LUZP2: variants seen among roughly 807,000 people sequenced by gnomAD.
LUZP2 encodes leucine zipper protein 2.
LUZP2 carries 52 observed loss-of-function variants against 51.6 expected under a neutral mutation model. The observed-to-expected ratio is 1.01, with a 90% CI of 0.81 to 1.27. The LOEUF is 1.27. Ranked by LOEUF, LUZP2 falls within the 50% of genes most tolerant of loss-of-function variation. The pLI is 0.00. For synonymous variants in LUZP2, 154 were observed against 137.3 expected (o/e 1.12, Z -0.85); for missense variants, 436 against 395.4 (o/e 1.10, Z -0.87).
intron 10 of LUZP2, among the ~76,000 whole-genome samples, chr11:25,058,919 AATTGGCATCAT>A (rs1565293768): frequency 1.3e-5 from 2 of 152,186 alleles, no homozygotes; most frequent in Non-Finnish European, 2.9e-5. Flanking sequence ...TTCCTGCATA[AATTGGCATCAT>A]AGAAAAATTC....
At chr11:24,815,193 T>A (rs1240656181) in intron 5 of LUZP2, among the ~76,000 whole-genome samples, 1 of 152,180 alleles carries the variant, frequency 6.6e-6, no homozygotes, top group Non-Finnish European at 1.5e-5. Flanking sequence ...AATTTTCCTA[T>A]AAATGAATCT....
chr11:25,002,691 G>A (rs902558429), intron 9 of LUZP2, among the ~76,000 whole-genome samples: 5 of 152,098 alleles, frequency 3.3e-5, no homozygotes, highest in African/African-American at 1.2e-4. Context: ...ACTGGTTGTG[G>A]GGTTGTCCCA....
chr11:25,033,806 T>C (rs1381541902), intron 9 of LUZP2, among the ~76,000 whole-genome samples: 1 of 152,124 alleles, frequency 6.6e-6, no homozygotes, highest in African/African-American at 2.4e-5. Flanking sequence ...TGTACACATT[T>C]TCTTGATCCA....
chr11:24,660,620 G>C (rs943188282), intron 1 of LUZP2, among the ~76,000 whole-genome samples: 4 of 152,106 alleles, frequency 2.6e-5, no homozygotes, highest in Non-Finnish European at 4.4e-5. Flanking sequence ...TGTTCTTCCT[G>C]AGTAAAAATG....
At chr11:24,634,569 A>C (rs1855010155) in intron 1 of LUZP2, among the ~76,000 whole-genome samples, 2 of 151,892 alleles carry the variant, frequency 1.3e-5, no homozygotes, top group South Asian at 4.2e-4. Flanking sequence ...TATCATCTTC[A>C]AGTTCTCCTA....
chr11:24,717,379 A>G (rs892269665), intron 1 of LUZP2, among the ~76,000 whole-genome samples: 6 of 148,088 alleles, frequency 4.1e-5, no homozygotes, highest in African/African-American at 1.5e-4. Flanking sequence ...TGTACAGATT[A>G]TTTCATTACC....
chr11:24,504,763 A>G (rs1850100084), intron 1 of LUZP2, among the ~76,000 whole-genome samples: 1 of 152,154 alleles, frequency 6.6e-6, no homozygotes, highest in Non-Finnish European at 1.5e-5. Flanking sequence ...GTTCTAGACT[A>G]GTACAGCCAA....
intron 7 of LUZP2, among the ~76,000 whole-genome samples, chr11:24,946,283 T>C (rs1340148337): frequency 6.6e-6 from 1 of 152,048 alleles, no homozygotes; most frequent in African/African-American, 2.4e-5. Context: ...GGTTTTTGTT[T>C]TATTCAGTCT....
Position 24,856,555 on chromosome 11 carries a change from G to A in LUZP2, c.397-49436G>A, listed in dbSNP as rs188793089. 3.3e-5 allele frequency among the ~76,000 whole-genome samples: 5 copies of A among 152,106 alleles called. No homozygotes were observed. The East Asian group carries it at 5.8e-4, about 18-fold the overall frequency. On this transcript the variant is annotated intron_variant, in intron 5 of 11. Transcript: ENST00000336930. ...AGAACTAAAAATAGAATTATCATTC[G>A]ATCCAGGTACACAACTGTTGGATAT...
chr11:25,048,325 C>A (rs1003992637), intron 9 of LUZP2, among the ~76,000 whole-genome samples: 1 of 152,124 alleles, frequency 6.6e-6, no homozygotes, highest in African/African-American at 2.4e-5. Flanking sequence ...CAACCCACTT[C>A]AAAAATAACC....
At chr11:24,703,090 G>C (rs1471600494) in intron 1 of LUZP2, among the ~76,000 whole-genome samples, 1 of 152,184 alleles carries the variant, frequency 6.6e-6, no homozygotes, top group African/African-American at 2.4e-5. Flanking sequence ...TTGCTATAAA[G>C]TCAAAGAATT....
At chr11:24,614,781 C>A (rs540432650) in intron 1 of LUZP2, among the ~76,000 whole-genome samples, 3 of 152,098 alleles carry the variant, frequency 2.0e-5, no homozygotes, top group Non-Finnish European at 4.4e-5. Flanking sequence ...CTGTCCATTA[C>A]TATCTTTTGC....
At chr11:24,589,301 A>G (rs1853180679) in intron 1 of LUZP2, among the ~76,000 whole-genome samples, 1 of 152,100 alleles carries the variant, frequency 6.6e-6, no homozygotes, top group Admixed American at 6.6e-5. Context: ...TGGTTTCCCT[A>G]GTTACCTTGT....
intron 6 of LUZP2, among the ~76,000 whole-genome samples, chr11:24,913,818 T>A (rs796502351): frequency 6.6e-6 from 1 of 152,088 alleles, no homozygotes; most frequent in African/African-American, 2.4e-5. Context: ...ATATTTAATG[T>A]TAGTAATTGG....
At chr11:24,846,150 AC>A (rs1564980717) in intron 5 of LUZP2, among the ~76,000 whole-genome samples, 5 of 151,940 alleles carry the variant, frequency 3.3e-5, no homozygotes, top group Non-Finnish European at 7.4e-5. Flanking sequence ...GAAAAAAAAA[AC>A]ACTATAATTT....
chr11:25,076,878 A>G (rs1400239565), intron 10 of LUZP2, among the ~76,000 whole-genome samples: 2 of 152,088 alleles, frequency 1.3e-5, no homozygotes, highest in Admixed American at 1.3e-4. Context: ...TCTTTTAAAA[A>G]AGATACTGAG....
intron 5 of LUZP2, among the ~76,000 whole-genome samples, chr11:24,768,689 C>T (rs141469104): frequency 4.1e-4 from 63 of 152,188 alleles, no homozygotes; most frequent in African/African-American, 1.4e-3. Flanking sequence ...AAATGCCAAT[C>T]GAAGCTATGA....
At chr11:25,026,692 A>G (rs553782016) in intron 9 of LUZP2, among the ~76,000 whole-genome samples, 1 of 152,070 alleles carries the variant, frequency 6.6e-6, no homozygotes, top group Non-Finnish European at 1.5e-5. Flanking sequence ...AAAAGGTAGC[A>G]TGATTGGTTG....
intron 1 of LUZP2, among the ~76,000 whole-genome samples, chr11:24,675,857 T>C (rs550308487): frequency 5.7e-4 from 86 of 151,722 alleles, no homozygotes; most frequent in Non-Finnish European, 1.0e-3. Flanking sequence ...CTCGCTCTGT[T>C]GCCCAGGCTG....
Sources: allele counts gnomAD v4.1 joint callset (sites outside exome capture counted in the v4.1 genomes callset), GRCh38; gene constraint gnomAD v4.1.1; transcripts MANE v1.5; gene names NCBI Gene and HGNC (gene_info 2026-07-23, HGNC 2026-07-21).